Variants in LIFR observed in about 807,000 individuals in gnomAD.
LIFR encodes the protein LIF receptor subunit alpha, also known as leukemia inhibitory factor receptor.
In LIFR, 84 loss-of-function variants were observed where a neutral mutation model predicts 122.2. The ratio of observed to expected loss-of-function variants is 0.69; its 90% confidence interval spans 0.58 to 0.82. The LOEUF (loss-of-function observed/expected upper bound fraction) is 0.82, where lower values mean the gene tolerates loss of function less well. Ranked by LOEUF, LIFR falls within the 40% of genes least tolerant of loss-of-function variation. The pLI is 0.00. For synonymous variants in LIFR, 422 were observed against 434.7 expected, an observed-to-expected ratio of 0.97 and a Z score of 0.36; for missense variants, 1,294 against 1,311.6, an observed-to-expected ratio of 0.99 and a Z score of 0.21.
chr5:38,564,128 TAG>T (rs988661606), intron 1 of LIFR, among the ~76,000 whole-genome samples: 8 of 152,174 alleles, frequency 5.3e-5, no homozygotes, highest in Admixed American at 3.3e-4. Context: ...CTAGTTGAGA[TAG>T]AGACTTGCTC....
intron 2 of LIFR, among the ~76,000 whole-genome samples, chr5:38,529,683 G>C (rs983379826): frequency 6.6e-6 from 1 of 152,010 alleles, no homozygotes; most frequent in African/African-American, 2.4e-5. Context: ...GAAACAAGGG[G>C]AAAAGGCAAC....
intron 1 of LIFR, among the ~76,000 whole-genome samples, chr5:38,571,209 C>A (rs901430240): frequency 2.0e-5 from 3 of 152,186 alleles, no homozygotes; most frequent in Admixed American, 6.5e-5. Flanking sequence ...CTGCTATATA[C>A]AACCAGTTAT....
At chr5:38,499,371 T>C in intron 12 of LIFR, 142 bp downstream of exon 12, 1 of 660,786 alleles carries the variant, frequency 1.5e-6, no homozygotes, top group East Asian at 2.8e-5. Flanking sequence ...TTGGGGGGTT[T>C]AGGAACCAGG....
At chr5:38,593,946 C>T (rs1345805132) in intron 1 of LIFR, among the ~76,000 whole-genome samples, 1 of 152,094 alleles carries the variant, frequency 6.6e-6, no homozygotes, top group African/African-American at 2.4e-5. Context: ...GCTACCCAGA[C>T]TATCGTATTT....
At chr5:38,501,981 G>GTTTT (rs201985430) in intron 11 of LIFR, among the ~76,000 whole-genome samples, 1 of 141,704 alleles carries the variant, frequency 7.1e-6, no homozygotes. Context: ...TTTAGTAATT[G>GTTTT]TTTTTTTTTT....
At position 38,524,768 on chromosome 5, in the gene LIFR, C is replaced by G. The variant is rs545955907; in HGVS notation, c.398-1186G>C. 1.8e-4 allele frequency among the ~76,000 whole-genome samples: 28 copies of G among 152,242 alleles called. 1 individual carries two copies. In the South Asian group the frequency reaches 5.8e-3, roughly 32 times the overall value. ...AAGAGCATGAACACAAAGACATAAA[C>G]CAGCCAAAGCTCCTTTTAGGGGCTG... On this transcript the variant is annotated intron_variant, in intron 4 of 19. Transcript: ENST00000453190.
At position 38,572,101 on chromosome 5, in the gene LIFR, A is replaced by G. The variant is rs192637068; in HGVS notation, c.-20+23160T>C. The stretch of plus-strand genomic sequence containing the variant: ...ATAAGAATCTTGTCTTTACTTGTAT[A>G]TTAGTCTGTTCTCACATTACTATAA... On this transcript the variant is annotated intron_variant, in intron 1 of 19. Transcript: ENST00000263409. Among the ~76,000 whole-genome samples, 151 of 152,346 alleles carry G rather than the reference A, an allele frequency of 9.9e-4. 1 individual carries two copies. The highest frequency in any genetic ancestry group is 3.5e-3 in the African/African-American group (146 of 41,578).
intron 1 of LIFR, among the ~76,000 whole-genome samples, chr5:38,585,460 T>G (rs1325060652): frequency 1.3e-5 from 2 of 152,202 alleles, no homozygotes; most frequent in African/African-American, 4.8e-5. Flanking sequence ...CATAGCTCTT[T>G]GCTTAAAAAA....
At chr5:38,528,248 C>T (rs1409204898) in intron 3 of LIFR, among the ~76,000 whole-genome samples, 3 of 152,182 alleles carry the variant, frequency 2.0e-5, no homozygotes, top group Non-Finnish European at 4.4e-5. Context: ...CTAGTGTCCA[C>T]TCCCTTGCAC....
chr5:38,494,678 T>C (rs1335559386), intron 13 of LIFR, among the ~76,000 whole-genome samples: 1 of 152,172 alleles, frequency 6.6e-6, no homozygotes, highest in Admixed American at 6.5e-5. Flanking sequence ...CTGATTTGTA[T>C]TTAAGGGTTC....
Position 38,531,719 on chromosome 5 carries a change from T to G in LIFR, c.-19-1053A>C, listed in dbSNP as rs1163601108. 3.9e-5 allele frequency among the ~76,000 whole-genome samples: 6 copies of G among 152,194 alleles called. No homozygotes were observed. In the South Asian group the frequency reaches 1.2e-3, roughly 32 times the overall value. On this transcript the variant is annotated intron_variant, in intron 1 of 19. Coordinates refer to ENST00000453190, the MANE Select transcript of LIFR (RefSeq NM_001127671.2). ...GGGAAAAGAGATAAGAAATGAAGAC[T>G]TGATAAAGGAAAGGAGATCCAACAC...
intron 4 of LIFR, among the ~76,000 whole-genome samples, chr5:38,524,798 T>C (rs1746590129): frequency 6.6e-6 from 1 of 152,076 alleles, no homozygotes; most frequent in African/African-American, 2.4e-5. Context: ...GGGCTGCCAA[T>C]AGACAATTAC....
In LIFR at chr5:38,565,120, T is replaced by C. The variant is rs146862309; in HGVS notation, c.-20+30141A>G. Among the ~76,000 whole-genome samples the C allele has an allele frequency of 3.9e-5, 6 of 152,350 alleles. No homozygotes were observed. In the East Asian group the frequency reaches 1.2e-3, roughly 29 times the overall value. ...ATTTGTTGAAATTATACTAGACTTA[T>C]ATTCAGTATTGAGCCTTGGATGTTT... On this transcript the variant is annotated intron_variant, in intron 1 of 19. Transcript: ENST00000263409.
At chr5:38,520,602 G>T (rs1195954539) in intron 5 of LIFR, among the ~76,000 whole-genome samples, 1 of 152,058 alleles carries the variant, frequency 6.6e-6, no homozygotes, top group Non-Finnish European at 1.5e-5. Flanking sequence ...ATCTTGAGTT[G>T]ATTTTTGTAT....
At chr5:38,543,585 T>TA (rs1349493405) in intron 1 of LIFR, among the ~76,000 whole-genome samples, 1 of 152,210 alleles carries the variant, frequency 6.6e-6, no homozygotes, top group Non-Finnish European at 1.5e-5. Flanking sequence ...GATCTACTTC[T>TA]AGGAAATTCT....
intron 7 of LIFR, among the ~76,000 whole-genome samples, chr5:38,508,469 C>T (rs926803130): frequency 1.3e-5 from 2 of 152,042 alleles, no homozygotes; most frequent in East Asian, 1.9e-4. Flanking sequence ...AATTGATCCA[C>T]GGATTTAATG....
intron 7 of LIFR, among the ~76,000 whole-genome samples, chr5:38,508,338 T>A (rs889116267): frequency 2.0e-5 from 3 of 151,754 alleles, no homozygotes; most frequent in African/African-American, 4.8e-5. Flanking sequence ...TAGGAAAAAA[T>A]TTACCAAAAG....
chr5:38,504,219 T>C, intron 9 of LIFR, 98 bp from the exon 10 acceptor site: 1 of 836,800 alleles, frequency 1.2e-6, no homozygotes, highest in East Asian at 2.6e-5. Context: ...CAACGAGGCA[T>C]CATTAGTGCT....
At chr5:38,527,113 A>G in intron 4 of LIFR, 42 bp downstream of exon 4, 2 of 1,532,556 alleles carry the variant, frequency 1.3e-6, no homozygotes, top group Non-Finnish European at 1.8e-6. Flanking sequence ...AACAAGTGAC[A>G]CTTGACTTAC....
Sources: allele counts gnomAD v4.1 joint callset (sites outside exome capture counted in the v4.1 genomes callset), GRCh38; gene constraint gnomAD v4.1.1; transcripts MANE v1.5; gene names NCBI Gene and HGNC (gene_info 2026-07-23, HGNC 2026-07-21).